The following SBK2 variants were observed in gnomAD, a reference collection of about 807,000 sequenced individuals.
The protein encoded by SBK2 is serine/threonine-protein kinase SBK2.
A neutral mutation model predicts 15.9 loss-of-function variants in SBK2; 18 were observed. That is an observed-to-expected ratio of 1.13 (90% confidence interval 0.78 to 1.68). The LOEUF is 1.68. SBK2 is among the 40% of genes most tolerant of loss of function. The pLI, the probability that SBK2 is intolerant of heterozygous loss-of-function variation, is 0.00. For synonymous variants in SBK2, 284 were observed against 246.8 expected, an observed-to-expected ratio of 1.15 and a Z score of -1.41; for missense variants, 581 against 510.9, an observed-to-expected ratio of 1.14 and a Z score of -1.32.
In SBK2 at chr19:55,530,076, G is replaced by A. The variant is rs1172504870; in HGVS notation, c.704C>T (p.Pro235Leu). Reference sequence around the variant, plus strand: ...GGCGGGCTGAATGGGCAGGCCCTCGGGGAGCGGCGGGGGCGCGCAGAGCTC... The same window carrying A: ...GGCGGGCTGAATGGGCAGGCCCTCGAGGAGCGGCGGGGGCGCGCAGAGCTC... Reference protein sequence around the residue: ...APELCAPPPLPEGLPIQPALD... With the variant: ...APELCAPPPLLEGLPIQPALD... Residue 235 changes from proline (P) to leucine (L), a missense_variant, in exon 4 of 4, where the codon CCC becomes CTC. Transcript: ENST00000413299. 6 of 1,445,108 alleles carry A rather than the reference G, an allele frequency of 4.2e-6. No individual in the cohort carries two copies. The highest frequency in any genetic ancestry group is 5.4e-5 in the East Asian group (2 of 37,272). 89.5% of individuals were successfully genotyped at this position (1,445,108 alleles called of 1,614,324 possible). A position where few individuals can be genotyped will look rare whatever the true frequency, so the allele number is the denominator to read the frequency against.
At chr19:55,535,291 G>A (rs1260925141) in intron 2 of SBK2, among the ~76,000 whole-genome samples, 1 of 152,084 alleles carries the variant, frequency 6.6e-6, no homozygotes, top group Non-Finnish European at 1.5e-5. Flanking sequence ...GTGCTTGGCA[G>A]AAAGGCCCAG....
rs770297972 is a variant in SBK2 at position 55,531,218 on chromosome 19, G to A, written c.381C>T (p.Ile127=). 1 of 1,613,242 alleles carries A rather than the reference G, an allele frequency of 6.2e-7. No individual in the cohort carries two copies. Among genetic ancestry groups the A allele is most frequent in the Non-Finnish European group, 8.5e-7 (1 of 1,179,570 alleles). Residue 127 remains isoleucine, a synonymous_variant, in exon 3 of 4, where the codon ATC becomes ATT. Coordinates refer to ENST00000413299, the MANE Select transcript of SBK2 (RefSeq NM_001370096.2). ...GGAAGCTGTAGGAGTGTGCCGACTCGATGCCAATGCCGTAGGCCGTCACGA... is the reference window on the plus strand; with the variant it reads ...GGAAGCTGTAGGAGTGTGCCGACTCAATGCCAATGCCGTAGGCCGTCACGA... The part of the protein sequence containing the change: ...SAIVTAYGIG[I]ESAHSYSFLT...
intron 2 of SBK2, 87 bp from the exon 3 acceptor site, chr19:55,531,432 T>C: frequency 7.8e-6 from 8 of 1,021,680 alleles, no homozygotes; most frequent in Non-Finnish European, 1.0e-5. Context: ...GTCCCCTCAA[T>C]GGCCCCTCAG....
chr19:55,529,593 T>C lies in SBK2; in HGVS notation c.*140A>G. ...CATGGACCAAGGGAGGAATGCAGCC[T>C]GCAGAGAGGAGAGAGGAGGAGGACG... is the stretch of plus-strand genomic sequence containing the variant. On this transcript the variant is annotated 3_prime_UTR_variant, in exon 4 of 4. Coordinates refer to ENST00000413299, the MANE Select transcript of SBK2 (RefSeq NM_001370096.2). 3 of 1,228,214 alleles carry C rather than the reference T, an allele frequency of 2.4e-6. No individual in the cohort carries two copies. The highest frequency in any genetic ancestry group is 3.3e-6 in the Non-Finnish European group (3 of 916,966). The allele number at this position is 1,228,214 out of a possible 1,614,324, so 76.1% of individuals were successfully genotyped here.
chr19:55,530,156 C>A lies in SBK2; in HGVS notation c.624G>T (p.Arg208Ser). 1.3e-6 allele frequency: 2 copies of A among 1,515,044 alleles called. No individual in the cohort carries two copies. The highest frequency in any genetic ancestry group is 2.1e-5 in the Admixed American group (1 of 46,528). The allele number at this position is 1,515,044 out of a possible 1,614,324, so 93.9% of individuals were successfully genotyped here. Residue 208 changes from arginine (R) to serine (S), a missense_variant, in exon 4 of 4, where the codon AGG (arginine) becomes AGT (serine). Physicochemically the swap from Arg to Ser is moderately radical, Grantham distance 110 (BLOSUM62 -1). Coordinates refer to ENST00000413299, the MANE Select transcript of SBK2 (RefSeq NM_001370096.2). ...CCAGGCGCAGCAGCGTCCCGCGAGG[C>A]CTCGTGTGGCCGAAGTCGGTCAGCT... ...RFKLTDFGHT[R>S]PRGTLLRLAG... is the part of the protein sequence containing the mutation.
At chr19:55,533,910 G>GC (rs1029981264) in intron 2 of SBK2, among the ~76,000 whole-genome samples, 2 of 152,026 alleles carry the variant, frequency 1.3e-5, no homozygotes, top group Non-Finnish European at 2.9e-5. Context: ...GCATCATGCA[G>GC]CCCAGGGGCA....
At chr19:55,535,803 G>A (rs865795970) in intron 2 of SBK2, among the ~76,000 whole-genome samples, 5 of 152,190 alleles carry the variant, frequency 3.3e-5, no homozygotes, top group African/African-American at 1.2e-4. Flanking sequence ...AGGAACACTT[G>A]AACCTGGGAG....
rs1249410274 is a variant in SBK2, at chr19:55,529,912, G to A, written c.868C>T (p.Pro290Ser). Residue 290 changes from proline to serine, a missense_variant, in exon 4 of 4, where the codon CCT becomes TCT. Physicochemically the swap from Pro to Ser is moderately conservative, Grantham distance 74. Coordinates refer to ENST00000413299, the MANE Select transcript of SBK2 (RefSeq NM_001370096.2). The part of the protein sequence containing the change: ...WQASGQPRDR[P>S]QPWFGLAAAA... ...GCGGCCAGGCCGAACCAGGGCTGAG[G>A]GCGGTCCCGGGGCTGGCCCGACGCC... is the stretch of plus-strand genomic sequence containing the variant. 6.5e-7 allele frequency: 1 copy of A among 1,546,386 alleles called. No homozygotes were observed.
At chr19:55,534,692 G>A (rs1405719824) in intron 2 of SBK2, among the ~76,000 whole-genome samples, 7 of 114,422 alleles carry the variant, frequency 6.1e-5, no homozygotes, top group African/African-American at 2.6e-4. Flanking sequence ...GGACAACAGC[G>A]AGACCCTGTC....
At chr19:55,531,557 C>T (rs1166315925) in intron 2 of SBK2, among the ~76,000 whole-genome samples, 6 of 152,250 alleles carry the variant, frequency 3.9e-5, no homozygotes, top group South Asian at 2.1e-4. Context: ...AGTTATAGCA[C>T]GCTGGGGACC....
chr19:55,536,120 C>A lies in SBK2; in HGVS notation c.175G>T (p.Asp59Tyr), dbSNP rs1320206049. The change falls in exon 2 of 4, where the codon GAC becomes TAC. Residue 59 changes from aspartate to tyrosine, a missense_variant. Transcript: ENST00000413299. ...GGACGCACTTCCTCGTAGAGCTCGT[C>A]CACCTCGGCTCGGACCAGGGTCTGA... ...SAQTLVRAEV[D>Y]ELYEEVRPLG... is the part of the protein sequence containing the mutation. 1 of 1,557,790 alleles carries A rather than the reference C, an allele frequency of 6.4e-7. No homozygotes were observed.
intron 2 of SBK2, among the ~76,000 whole-genome samples, chr19:55,532,797 C>G (rs1405413031): frequency 6.6e-6 from 1 of 151,938 alleles, no homozygotes; most frequent in East Asian, 1.9e-4. Context: ...TTCCCTGACA[C>G]CAGAAATTCC....
Position 55,537,092 on chromosome 19 carries a change from T to C in SBK2, c.-41A>G, listed in dbSNP as rs1025606448. The C allele has an allele frequency of 1.3e-5, 2 of 152,698 alleles. No homozygotes were observed. The highest frequency in any genetic ancestry group is 2.9e-5 in the Non-Finnish European group (2 of 68,472). 9.5% of individuals were successfully genotyped at this position (152,698 alleles called of 1,614,324 possible). A position where few individuals can be genotyped will look rare whatever the true frequency, so the allele number is the denominator to read the frequency against. ...CTCCTGACCCTCCGGCCGCCGGCTG[T>C]GGTCAGTGCCCGGCACTTAGGGCTC... is the stretch of plus-strand genomic sequence containing the variant. On this transcript the variant is annotated 5_prime_UTR_variant, in exon 1 of 4. Transcript: ENST00000413299.
Position 55,536,127 on chromosome 19 carries a change from G to T in SBK2, c.168C>A (p.Ala56=). The part of the protein sequence containing the change: ...MTLSAQTLVR[A]EVDELYEEVR... ...CTTCCTCGTAGAGCTCGTCCACCTC[G>T]GCTCGGACCAGGGTCTGAGCACTCA... is the stretch of plus-strand genomic sequence containing the variant. Residue 56 remains alanine (A), a synonymous_variant, in exon 2 of 4, where the codon GCC becomes GCA. Transcript: ENST00000413299. The T allele has an allele frequency of 1.9e-6, 3 of 1,563,426 alleles. No individual in the cohort carries two copies. The highest frequency in any genetic ancestry group is 1.2e-5 in the South Asian group (1 of 84,794).
intron 2 of SBK2, 84 bp downstream of exon 2, chr19:55,535,958 G>GC: frequency 7.7e-7 from 1 of 1,305,300 alleles, no homozygotes; most frequent in Non-Finnish European, 1.0e-6. Flanking sequence ...ATTCAGGCCT[G>GC]CCAGCCTCCC....
rs2123474329 is a variant in SBK2 at position 55,529,867 on chromosome 19, G to A, written c.913C>T (p.Arg305Trp). ...CGGGGGTGAGGGTCCAGCAGCCCCCGCAGAAGCGCGTCGGCCGCGGCGGCC... is the reference window on the plus strand; with the variant it reads ...CGGGGGTGAGGGTCCAGCAGCCCCCACAGAAGCGCGTCGGCCGCGGCGGCC... ...GLAAAADALL[R>W]GLLDPHPRRR... Residue 305 changes from arginine to tryptophan, a missense_variant, in exon 4 of 4, where the codon CGG becomes TGG. Coordinates refer to ENST00000413299, the MANE Select transcript of SBK2 (RefSeq NM_001370096.2). 1 of 1,597,914 alleles carries A rather than the reference G, an allele frequency of 6.3e-7. No individual in the cohort carries two copies. The highest frequency in any genetic ancestry group is 8.5e-7 in the Non-Finnish European group (1 of 1,175,504).
In SBK2 at chr19:55,530,109, G is replaced by A; in HGVS notation, c.671C>T (p.Thr224Met). ...LRLAGPPIPY[T>M]APELCAPPPL... ...CGGGGGCGCGCAGAGCTCGGGGGCC[G>A]TGTAGGGGATGGGCGGCCCGGCCAG... Residue 224 changes from threonine (T) to methionine (M), a missense_variant, in exon 4 of 4, where the codon ACG (threonine) becomes ATG (methionine). Physicochemically the swap from Thr to Met is moderately conservative, Grantham distance 81. Transcript: ENST00000413299. The A allele has an allele frequency of 6.9e-7, 1 of 1,454,578 alleles. No individual in the cohort carries two copies. 90.1% of individuals were successfully genotyped at this position (1,454,578 alleles called of 1,614,324 possible).
chr19:55,530,160 G>T lies in SBK2; in HGVS notation c.620C>A (p.Thr207Lys). 6.6e-7 allele frequency: 1 copy of T among 1,518,596 alleles called. No individual in the cohort carries two copies. The highest frequency in any genetic ancestry group is 2.5e-5 in the East Asian group (1 of 39,226). 94.1% of individuals were successfully genotyped at this position (1,518,596 alleles called of 1,614,324 possible). The change falls in exon 4 of 4, where the codon ACG (threonine) becomes AAG (lysine). Residue 207 changes from threonine (T) to lysine (K), a missense_variant. Coordinates refer to ENST00000413299, the MANE Select transcript of SBK2 (RefSeq NM_001370096.2). ...GCGCAGCAGCGTCCCGCGAGGCCTC[G>T]TGTGGCCGAAGTCGGTCAGCTTGAA... ...RRFKLTDFGHTRPRGTLLRLA... is the reference protein window; with the variant it reads ...RRFKLTDFGHKRPRGTLLRLA...
Position 55,529,794 on chromosome 19 carries a change from C to T in SBK2, c.986G>A (p.Trp329Ter). Residue 329 changes from tryptophan (W) to a stop codon, truncating the protein, a stop_gained, in exon 4 of 4, where the codon TGG (tryptophan) becomes TAG (stop). Coordinates refer to ENST00000413299, the MANE Select transcript of SBK2 (RefSeq NM_001370096.2). LOFTEE classifies it low-confidence loss of function (END_TRUNC). ...IAIREHLGRP[W>*]RQREGEAEAV... ...CTCCGCCTCGCCCTCCCGCTGCCTC[C>T]AGGGGCGCCCCAGGTGCTCCCTGAT... The T allele has an allele frequency of 6.2e-7, 1 of 1,604,322 alleles. No individual in the cohort carries two copies. The highest frequency in any genetic ancestry group is 8.5e-7 in the Non-Finnish European group (1 of 1,179,696).
Sources: allele counts gnomAD v4.1 joint callset (sites outside exome capture counted in the v4.1 genomes callset), GRCh38; gene constraint gnomAD v4.1.1; transcripts MANE v1.5; gene names NCBI Gene and HGNC (gene_info 2026-07-23, HGNC 2026-07-21).